PHF10: variants seen among roughly 807,000 people sequenced by gnomAD.
The protein encoded by PHF10 is PHD finger protein 10, also known as BRG1-associated factor 45a.
Under a neutral mutation model 68.5 loss-of-function variants are expected in PHF10, and 51 were observed. That is an observed-to-expected ratio of 0.74 (90% CI 0.59 to 0.94). PHF10 has a LOEUF of 0.94. Ranked by LOEUF, PHF10 falls within the 40% of genes least tolerant of loss-of-function variation. PHF10 has a pLI of 0.00. For synonymous variants in PHF10, 204 were observed against 203.5 expected, an observed-to-expected ratio of 1.00 and a Z score of -0.02; for missense variants, 460 against 602.6, an observed-to-expected ratio of 0.76 and a Z score of 2.48.
At chr6:169,714,893 G>A (rs1209808425) in intron 6 of PHF10, 51 bp from the exon 7 acceptor site, 1 of 979,306 alleles carries the variant, frequency 1.0e-6, no homozygotes, top group Admixed American at 1.7e-5. Context: ...TAAGAATCAA[G>A]GCTTTAGGAA....
intron 7 of PHF10, among the ~76,000 whole-genome samples, chr6:169,713,867 T>C (rs113220983): frequency 0.025 from 3,785 of 152,270 alleles, 107 homozygotes; most frequent in South Asian, 0.15. Flanking sequence ...CTCACACCTT[T>C]AATCCGAGTA....
rs746824889 is a variant in PHF10, at chr6:169,714,818, A to G, written c.718T>C (p.Tyr240His). 1.9e-6 allele frequency: 3 copies of G among 1,591,584 alleles called. No individual in the cohort carries two copies. Among genetic ancestry groups the G allele is most frequent in the Non-Finnish European group, 2.6e-6 (3 of 1,159,562 alleles). The change falls in exon 7 of 12, where the codon TAC becomes CAC. Residue 240 changes from tyrosine (Y) to histidine (H), a missense_variant. Physicochemically the swap from Tyr to His is moderately conservative, Grantham distance 83. Transcript: ENST00000339209. ...GTTCGCTCTGTTGGCAAAACTTTGT[A>G]CTTCCCTTGAGGTACCTGGATAACC... ...THVIQVPQGK[Y>H]KVLPTERTKV...
rs550968783 is a variant in PHF10 at position 169,706,353 on chromosome 6, TAGAA to T, written c.1114-633_1114-630del. Among the ~76,000 whole-genome samples the T allele has an allele frequency of 4.7e-3, 721 of 152,284 alleles. 3 individuals are homozygous for T. The highest frequency in any genetic ancestry group is 0.015 in the African/African-American group (640 of 41,558). On this transcript the variant is annotated intron_variant, in intron 9 of 11. Coordinates refer to ENST00000339209, the MANE Select transcript of PHF10 (RefSeq NM_018288.4). ...CATGTCTAATAAAAGAATCTATACT[TAGAA>T]AGATTCACTATAAAATGTAAAATTA... is the stretch of plus-strand genomic sequence containing the variant.
intron 1 of PHF10, 55 bp downstream of exon 1, chr6:169,723,790 C>A: frequency 1.8e-6 from 1 of 566,766 alleles, no homozygotes; most frequent in Non-Finnish European, 2.4e-6. Flanking sequence ...GCCCACGCCC[C>A]GGCACCCAGG....
In PHF10 at chr6:169,724,470, G is replaced by C. The variant is rs1172675513; in HGVS notation, c.-539C>G. Among the ~76,000 whole-genome samples the C allele has an allele frequency of 2.3e-5, 2 of 88,870 alleles. No homozygotes were observed. Among genetic ancestry groups the C allele is most frequent in the African/African-American group, 8.9e-5 (2 of 22,560 alleles). The allele number at this position is 88,870 out of a possible 152,430, so 58.3% of individuals were successfully genotyped here. Reference sequence around the variant, plus strand: ...CCGCGGCCGCCTCAGCCCCGCCGCCGCCTGGCTCCCCACGGCCCGGCGTTG... The same window carrying C: ...CCGCGGCCGCCTCAGCCCCGCCGCCCCCTGGCTCCCCACGGCCCGGCGTTG... On this transcript the variant is annotated 5_prime_UTR_variant, in exon 1 of 12. Coordinates refer to ENST00000339209, the MANE Select transcript of PHF10 (RefSeq NM_018288.4).
chr6:169,712,552 G>A lies in PHF10; in HGVS notation c.804-13C>T, dbSNP rs758787404. 2 of 1,597,152 alleles carry A rather than the reference G, an allele frequency of 1.3e-6. No homozygotes were observed. The highest frequency in any genetic ancestry group is 1.4e-5 in the African/African-American group (1 of 73,622). On this transcript the variant is annotated splice_polypyrimidine_tract_variant and intron_variant, in intron 7 of 11. Transcript: ENST00000339209. ...ATCTGGTGAGTACCTGAAGTTCAGA[G>A]AGTTTATTTTTGGTTTCCCTTTATT...
chr6:169,714,632 G>A (rs1789001996), intron 7 of PHF10, 101 bp downstream of exon 7: 2 of 712,838 alleles, frequency 2.8e-6, no homozygotes, highest in Admixed American at 2.1e-5. Flanking sequence ...ATATCTTACG[G>A]TGATATCTAT....
At chr6:169,712,667 A>G (rs1788952072) in intron 7 of PHF10, 128 bp from the exon 8 acceptor site, 2 of 653,248 alleles carry the variant, frequency 3.1e-6, no homozygotes, top group South Asian at 5.7e-5. Flanking sequence ...TAGAGTACTA[A>G]TTTTTCATTT....
Position 169,705,654 on chromosome 6 carries a change from GCCTTT to G in PHF10, c.1179_1183del (p.Lys394Ter), listed in dbSNP as rs1788757955. The G allele has an allele frequency of 4.5e-6, 7 of 1,569,566 alleles. No homozygotes were observed. Among genetic ancestry groups the G allele is most frequent in the Non-Finnish European group, 6.1e-6 (7 of 1,139,710 alleles). Reference sequence around the variant, plus strand: ...TTGGGAGCAGTGTATAAGTGATTCAGCCTTTCCTTTCTTGTTGGACTCCTTACCCT... The same window carrying G: ...TTGGGAGCAGTGTATAAGTGATTCAGCCTTTCTTGTTGGACTCCTTACCCT... On this transcript the variant is annotated frameshift_variant, in exon 10 of 12. Transcript: ENST00000339209. LOFTEE classifies it high-confidence loss of function.
intron 11 of PHF10, chr6:169,704,332 C>T (rs146409224): frequency 3.9e-5 from 17 of 435,340 alleles, no homozygotes; most frequent in Admixed American, 3.1e-4. Flanking sequence ...TACGGTGATA[C>T]GGACCTTTAA....
rs144617367 is a variant in PHF10, at chr6:169,705,712, G to C, written c.1126C>G (p.Pro376Ala). ...SVPGYKPKVI[P>A]NAICGICLKG... is the part of the protein sequence containing the mutation. ...AGACAAATTCCACATATAGCATTTG[G>C]AATGACCTTTGGCTGGAAGGGTAGA... Residue 376 changes from proline to alanine, a missense_variant, in exon 10 of 12, where the codon CCA becomes GCA. Around this residue, in one of 3 missense-constraint regions of PHF10, gnomAD observed 256 missense variants for 410.5 expected, o/e 0.62. Transcript: ENST00000339209. The C allele has an allele frequency of 6.4e-7, 1 of 1,566,828 alleles. No homozygotes were observed. The highest frequency in any genetic ancestry group is 8.8e-7 in the Non-Finnish European group (1 of 1,137,196).
rs907090506 is a variant in PHF10, at chr6:169,721,037, A to G, written c.162T>C (p.Ser54=). ...KRRRMGSGDS[S]RSCETSSQDL... is the part of the protein sequence containing the mutation. ...CTTGACTTGAAGTTTCACAACTCCT[A>G]GAACTATCTCCTGAGCCCATTCGCC... The change falls in exon 2 of 12, where the codon TCT becomes TCC. Residue 54 remains serine, a synonymous_variant. Transcript: ENST00000339209. The G allele has an allele frequency of 6.5e-6, 10 of 1,546,314 alleles. No homozygotes were observed. The highest frequency in any genetic ancestry group is 1.4e-5 in the African/African-American group (1 of 72,922).
chr6:169,721,612 G>A (rs1789178812), intron 1 of PHF10, among the ~76,000 whole-genome samples: 1 of 151,822 alleles, frequency 6.6e-6, no homozygotes, highest in Non-Finnish European at 1.5e-5. Flanking sequence ...CCCTAATAAG[G>A]GTCATCAATC....
intron 9 of PHF10, among the ~76,000 whole-genome samples, chr6:169,706,715 T>G (rs1300469719): frequency 3.5e-5 from 3 of 85,942 alleles, no homozygotes; most frequent in East Asian, 2.5e-4. Flanking sequence ...TAAGGGGACA[T>G]ACATACATAC....
intron 8 of PHF10, among the ~76,000 whole-genome samples, 185 bp from the exon 9 acceptor site, chr6:169,710,576 A>T (rs1283792174): frequency 6.6e-6 from 1 of 152,180 alleles, no homozygotes. Flanking sequence ...GTTAAAAATC[A>T]TTCCTCCTTC....
rs1462024497 is a variant in PHF10 at position 169,710,369 on chromosome 6, G to C, written c.980C>G (p.Ser327Cys). Residue 327 changes from serine (S) to cysteine (C), a missense_variant, in exon 9 of 12, where the codon TCT (serine) becomes TGT (cysteine). By Grantham distance (112) the Ser-to-Cys change is moderately radical. This residue lies in a region of PHF10 where 256 missense variants were observed against 410.5 expected (regional missense o/e 0.62). Transcript: ENST00000339209. The stretch of plus-strand genomic sequence containing the variant: ...GCTGTCAGGAGGGCTTTCCCCTTCA[G>C]ATACATTGCCAGAGGAGCTGTCCTG... ...GTSDSSSGNV[S>C]EGESPPDSQE... 6 of 1,612,508 alleles carry C rather than the reference G, an allele frequency of 3.7e-6. No homozygotes were observed. Among genetic ancestry groups the C allele is most frequent in the Non-Finnish European group, 5.1e-6 (6 of 1,178,604 alleles).
intron 7 of PHF10, among the ~76,000 whole-genome samples, chr6:169,713,229 C>G (rs907117694): frequency 6.6e-6 from 1 of 152,148 alleles, no homozygotes; most frequent in African/African-American, 2.4e-5. Context: ...CCAACTAAGA[C>G]AACACACCAA....
chr6:169,720,411 A>G (rs1479511921), intron 2 of PHF10, among the ~76,000 whole-genome samples: 1 of 152,198 alleles, frequency 6.6e-6, no homozygotes, highest in Non-Finnish European at 1.5e-5. Flanking sequence ...ATGCCCATCA[A>G]CATCTGAATG....
intron 4 of PHF10, among the ~76,000 whole-genome samples, chr6:169,717,551 T>C (rs1789079276): frequency 6.6e-6 from 1 of 152,186 alleles, no homozygotes; most frequent in African/African-American, 2.4e-5. Context: ...ATAATGGTTG[T>C]ATAGACACTT....
Sources: gnomAD v4.1 joint callset for allele counts (sites outside exome capture counted in the v4.1 genomes callset) on GRCh38, gnomAD v4.1.1 for gene constraint, gnomAD v4.1.1 regional missense constraint, MANE v1.5 for transcripts, NCBI Gene and HGNC (gene_info 2026-07-23, HGNC 2026-07-21) for gene names.